Variants in KCP observed in about 807,000 individuals in gnomAD.
The protein encoded by KCP is kielin cysteine rich BMP regulator.
A neutral mutation model predicts 212.7 loss-of-function variants in KCP; 194 were observed. The ratio of observed to expected loss-of-function variants is 0.91; its 90% CI spans 0.81 to 1.03. The LOEUF is 1.03. Among genes scored for constraint, KCP ranks in the 50% least tolerant of loss-of-function variants. KCP has a pLI of 0.00. For synonymous variants in KCP, 833 were observed against 865.3 expected (o/e 0.96, Z 0.65); for missense variants, 2,080 against 2,162.5 (o/e 0.96, Z 0.76).
At position 128,883,092 on chromosome 7, in the gene KCP, C is replaced by A. The variant is rs1311850148; in HGVS notation, c.3244+910G>T. Among the ~76,000 whole-genome samples, 6 of 151,356 alleles carry A rather than the reference C, an allele frequency of 4.0e-5. No individual in the cohort carries two copies. The East Asian group carries it at 7.8e-4, about 20-fold the overall frequency. On this transcript the variant is annotated intron_variant, in intron 29 of 39. Transcript: ENST00000610776. The stretch of plus-strand genomic sequence containing the variant: ...AAAAACCAAAACCCAAATAAAAAAA[C>A]CAAATTGGAGAAAATAGGATTATCA...
In KCP at chr7:128,894,028, C is replaced by T. The variant is rs750277714; in HGVS notation, c.953G>A (p.Arg318His). Residue 318 changes from arginine to histidine, a missense_variant, in exon 10 of 40, where the codon CGC becomes CAC. Coordinates refer to ENST00000610776, the MANE Select transcript of KCP (RefSeq NM_001366122.1). The stretch of plus-strand genomic sequence containing the variant: ...CCCTGAGCCCACAGGCTCCCCGCTG[C>T]GGTGCTCCCGCCCGTTTAGGAAACA... ...DGCFLNGREH[R>H]SGEPVGSGDP... The T allele has an allele frequency of 1.4e-5, 21 of 1,549,870 alleles. No homozygotes were observed. The highest frequency in any genetic ancestry group is 7.3e-5 in the East Asian group (3 of 40,886).
Position 128,894,041 on chromosome 7 carries a change from C to T in KCP, c.940G>A (p.Gly314Arg), listed in dbSNP as rs755304656. 2.8e-5 allele frequency: 43 copies of T among 1,549,818 alleles called. No homozygotes were observed. The highest frequency in any genetic ancestry group is 3.1e-5 in the Non-Finnish European group (35 of 1,146,326). The change falls in exon 10 of 40, where the codon GGG (glycine) becomes AGG (arginine). Residue 314 changes from glycine to arginine, a missense_variant. Physicochemically the swap from Gly to Arg is moderately radical, Grantham distance 125. Coordinates refer to ENST00000610776, the MANE Select transcript of KCP (RefSeq NM_001366122.1). ...GGCTCCCCGCTGCGGTGCTCCCGCC[C>T]GTTTAGGAAACAGCCTGTTGGGAAG... Reference protein sequence around the residue: ...CPVCDGCFLNGREHRSGEPVG... With the variant: ...CPVCDGCFLNRREHRSGEPVG...
rs1230072180 is a variant in KCP, at chr7:128,907,265, C to A, written c.408G>T (p.Arg136Ser). 6.5e-7 allele frequency: 1 copy of A among 1,533,382 alleles called. No individual in the cohort carries two copies. The highest frequency in any genetic ancestry group is 8.8e-7 in the Non-Finnish European group (1 of 1,132,646). 95.0% of individuals were successfully genotyped at this position (1,533,382 alleles called of 1,614,324 possible). ...CGPQAHLPHCRGCSQNGQTYG... is the reference protein window; with the variant it reads ...CGPQAHLPHCSGCSQNGQTYG... ...GTGGGCGGATAGGGTGGCACTTACC[C>A]CTGCAATGGGGCAGGTGTGCTTGGG... Residue 136 changes from arginine to serine, a missense_variant and splice_region_variant, in exon 3 of 40, where the codon AGG (arginine) becomes AGT (serine). Physicochemically the swap from Arg to Ser is moderately radical, Grantham distance 110 (BLOSUM62 -1). Coordinates refer to ENST00000610776, the MANE Select transcript of KCP (RefSeq NM_001366122.1).
chr7:128,892,749 A>G lies in KCP; in HGVS notation c.1466T>C (p.Val489Ala), dbSNP rs1794242300. Reference protein sequence around the residue: ...SCDSCTYHSQVYANGQNFTDA... With the variant: ...SCDSCTYHSQAYANGQNFTDA... ...CGTGAAGTTCTGCCCATTGGCATAC[A>G]CTTGGCTGTGGTAGGTGCAGCTGTC... is the stretch of plus-strand genomic sequence containing the variant. The change falls in exon 15 of 40, where the codon GTG (valine) becomes GCG (alanine). Residue 489 changes from valine to alanine, a missense_variant. Val to Ala is a moderately conservative substitution (Grantham distance 64). Coordinates refer to ENST00000610776, the MANE Select transcript of KCP (RefSeq NM_001366122.1). 4 of 1,551,780 alleles carry G rather than the reference A, an allele frequency of 2.6e-6. No homozygotes were observed. The highest frequency in any genetic ancestry group is 3.5e-6 in the Non-Finnish European group (4 of 1,146,978).
At chr7:128,903,909 G>T in intron 6 of KCP, 89 bp from the exon 7 acceptor site, 1 of 1,382,688 alleles carries the variant, frequency 7.2e-7, no homozygotes, top group Non-Finnish European at 1.0e-6. Flanking sequence ...GAGGAGGGGG[G>T]CACAGGGCAG....
intron 14 of KCP, 29 bp downstream of exon 14, chr7:128,892,840 A>G: frequency 1.3e-6 from 2 of 1,551,132 alleles, no homozygotes; most frequent in Non-Finnish European, 1.7e-6. Context: ...ATGCAGGGGA[A>G]GAAAGCCAGG....
At chr7:128,878,915 G>A (rs1563017526) in intron 37 of KCP, 193 bp from the exon 38 acceptor site, 3 of 553,804 alleles carry the variant, frequency 5.4e-6, no homozygotes, top group East Asian at 3.0e-5. Context: ...TGCCAGCCCT[G>A]GGCAAAGACA....
rs959876039 is a variant in KCP at position 128,876,976 on chromosome 7, AG to A, written c.*66del. The A allele has an allele frequency of 5.4e-5, 82 of 1,505,708 alleles. 1 individual carries two copies. The African/African-American group carries it at 1.1e-3, about 20-fold the overall frequency. 93.3% of individuals were successfully genotyped at this position (1,505,708 alleles called of 1,614,324 possible). ...GGGCATTCTCTCCATAGCCCTAACC[AG>A]GGTGGGAACTGCTCGCCAAGGGGAG... On this transcript the variant is annotated 3_prime_UTR_variant, in exon 40 of 40. Transcript: ENST00000610776.
chr7:128,903,791 C>G lies in KCP; in HGVS notation c.684G>C (p.Lys228Asn), dbSNP rs767931756. Reference sequence around the variant, plus strand: ...GCTCTGGGCAGGGGCTAGGCGGGCACTTCAGGGCCATGCAGCGAACTCGGC... The same window carrying G: ...GCTCTGGGCAGGGGCTAGGCGGGCAGTTCAGGGCCATGCAGCGAACTCGGC... ...LRSRVRCMAL[K>N]CPPSPCPEPV... Residue 228 changes from lysine (K) to asparagine (N), a missense_variant, in exon 7 of 40, where the codon AAG (lysine) becomes AAC (asparagine). By Grantham distance (94) the Lys-to-Asn change is moderately conservative (BLOSUM62 0). Coordinates refer to ENST00000610776, the MANE Select transcript of KCP (RefSeq NM_001366122.1). 6 of 1,511,678 alleles carry G rather than the reference C, an allele frequency of 4.0e-6. 1 individual carries two copies. The South Asian group carries it at 7.2e-5, about 18-fold the overall frequency. The allele number at this position is 1,511,678 out of a possible 1,614,324, so 93.6% of individuals were successfully genotyped here.
At position 128,888,943 on chromosome 7, in the gene KCP, G is replaced by A; in HGVS notation, c.2432C>T (p.Thr811Ile). 6.4e-7 allele frequency: 1 copy of A among 1,550,870 alleles called. No homozygotes were observed. Among genetic ancestry groups the A allele is most frequent in the Non-Finnish European group, 8.7e-7 (1 of 1,146,724 alleles). ...AGGCTCACAGGGCCGGCGGCCGCAG[G>A]TCACGAAGCCTCCAAGACAGGTACA... is the stretch of plus-strand genomic sequence containing the variant. Reference protein sequence around the residue: ...NLCTCLGGFVTCGRRPCEPPG... With the variant: ...NLCTCLGGFVICGRRPCEPPG... The change falls in exon 22 of 40, where the codon ACC (threonine) becomes ATC (isoleucine). Residue 811 changes from threonine (T) to isoleucine (I), a missense_variant. By Grantham distance (89) the Thr-to-Ile change is moderately conservative (BLOSUM62 -1). Transcript: ENST00000610776.
intron 37 of KCP, chr7:128,879,194 C>G (rs576029617): frequency 2.2e-5 from 9 of 411,236 alleles, no homozygotes; most frequent in East Asian, 4.3e-5. Context: ...GACACCCCCC[C>G]AGGAGACTTC....
Position 128,907,099 on chromosome 7 carries a change from AC to A in KCP, c.486+1del. 15 of 1,551,028 alleles carry A rather than the reference AC, an allele frequency of 9.7e-6. No homozygotes were observed. The highest frequency in any genetic ancestry group is 1.3e-5 in the Non-Finnish European group (15 of 1,146,804). On this transcript the variant is annotated splice_donor_variant, in intron 4 of 39. Transcript: ENST00000610776. LOFTEE classifies it high-confidence loss of function. ...ATATCCAGGTAGGTCCTGGGAGCTT[AC>A]CAGACAGCGGCAGGTGGTGCAGGCA... is the stretch of plus-strand genomic sequence containing the variant.
rs1482807654 is a variant in KCP, at chr7:128,905,640, G to A, written c.571+639C>T. 4.2e-3 allele frequency among the ~76,000 whole-genome samples: 633 copies of A among 150,294 alleles called. 2 individuals are homozygous for A. The highest frequency in any genetic ancestry group is 0.014 in the African/African-American group (574 of 39,906). ...CTCACCAGGTGAATATTCCTCAAGC[G>A]CCCCCTTGACCATGCCACACGCTGC... is the stretch of plus-strand genomic sequence containing the variant. On this transcript the variant is annotated intron_variant, in intron 5 of 39. Transcript: ENST00000610776.
At chr7:128,899,225 G>A (rs778134333) in intron 8 of KCP, among the ~76,000 whole-genome samples, 2 of 152,074 alleles carry the variant, frequency 1.3e-5, no homozygotes, top group African/African-American at 4.8e-5. Context: ...AATTATAATT[G>A]TTATGTGAAA....
intron 2 of KCP, among the ~76,000 whole-genome samples, chr7:128,907,963 T>A (rs1795208446): frequency 6.6e-6 from 1 of 151,810 alleles, no homozygotes; most frequent in Admixed American, 6.6e-5. Context: ...ATCCTATCTC[T>A]ACTAAAAATA....
Position 128,901,778 on chromosome 7 carries a change from C to T in KCP, c.831+999G>A, listed in dbSNP as rs200882123. ...GTGGGGTTGGGTGCCCTGTAGCTTT[C>T]GCACAGAGTCCTTAGTCCTCAGCAA... On this transcript the variant is annotated intron_variant, in intron 8 of 39. Coordinates refer to ENST00000610776, the MANE Select transcript of KCP (RefSeq NM_001366122.1). Among the ~76,000 whole-genome samples the T allele has an allele frequency of 5.4e-4, 82 of 152,324 alleles. 2 individuals carry two copies. Among genetic ancestry groups the T allele is most frequent in the South Asian group, 3.7e-3 (18 of 4,826 alleles).
Position 128,891,534 on chromosome 7 carries a change from C to T in KCP, c.1796-1G>A, listed in dbSNP as rs1344123790. The T allele has an allele frequency of 2.6e-6, 4 of 1,548,348 alleles. No homozygotes were observed. The highest frequency in any genetic ancestry group is 2.0e-5 in the Admixed American group (1 of 50,954). ...TACTCTTTCCCGCCAAAGGCACAGC[C>T]TGGGGGAGGGAGGGGCTATAGCCTG... On this transcript the variant is annotated splice_acceptor_variant, in intron 17 of 39. Transcript: ENST00000610776. LOFTEE classifies it high-confidence loss of function.
rs1294897819 is a variant in KCP at position 128,902,868 on chromosome 7, G to A, written c.749-9C>T. On this transcript the variant is annotated splice_polypyrimidine_tract_variant and intron_variant, in intron 7 of 39. Coordinates refer to ENST00000610776, the MANE Select transcript of KCP (RefSeq NM_001366122.1). ...GCCACCTTCTGTGCAGCCTAGGGTT[G>A]AGGGGTTGAGAAGAGGGAGGCCTGG... is the stretch of plus-strand genomic sequence containing the variant. 2 of 1,550,082 alleles carry A rather than the reference G, an allele frequency of 1.3e-6. No homozygotes were observed. The highest frequency in any genetic ancestry group is 2.7e-5 in the African/African-American group (2 of 73,026).
Position 128,890,527 on chromosome 7 carries a change from C to A in KCP, c.2165-14G>T. ...GGTACAGGCAGCCTGGGGAGAAGGG[C>A]AGGGGCTGGGGGGCCGTGGGGACTA... On this transcript the variant is annotated splice_polypyrimidine_tract_variant and intron_variant, in intron 20 of 39. Transcript: ENST00000610776. 6.5e-7 allele frequency: 1 copy of A among 1,541,604 alleles called. No individual in the cohort carries two copies. The highest frequency in any genetic ancestry group is 1.2e-5 in the South Asian group (1 of 83,558).
Sources: allele counts gnomAD v4.1 joint callset (sites outside exome capture counted in the v4.1 genomes callset), GRCh38; gene constraint gnomAD v4.1.1; transcripts MANE v1.5; gene names NCBI Gene and HGNC (gene_info 2026-07-23, HGNC 2026-07-21).